Variants in PNPLA7 observed in about 807,000 individuals in gnomAD.
PNPLA7 encodes the protein patatin like domain 7, lysophospholipase.
A neutral mutation model predicts 161.7 loss-of-function variants in PNPLA7; 153 were observed. That is an observed-to-expected ratio of 0.95 (90% CI 0.83 to 1.08). The LOEUF is 1.08. Ranked by LOEUF, PNPLA7 falls within the 50% of genes least tolerant of loss-of-function variation. The pLI, the probability that PNPLA7 is intolerant of heterozygous loss-of-function variation, is 0.00. For synonymous variants in PNPLA7, 809 were observed against 782.1 expected, an observed-to-expected ratio of 1.03 and a Z score of -0.57; for missense variants, 1,739 against 1,856.6, an observed-to-expected ratio of 0.94 and a Z score of 1.16.
At chr9:137,493,136 G>A in intron 19 of PNPLA7, 54 bp from the exon 20 acceptor site, 1 of 1,570,022 alleles carries the variant, frequency 6.4e-7, no homozygotes, top group Non-Finnish European at 8.8e-7. Flanking sequence ...AGAAACACTG[G>A]GAACCAAAGA....
At chr9:137,478,223 G>C (rs1832033853) in intron 24 of PNPLA7, 71 bp from the exon 25 acceptor site, 5 of 1,142,830 alleles carry the variant, frequency 4.4e-6, no homozygotes, top group Non-Finnish European at 5.6e-6. Context: ...ATCCTGGCTT[G>C]ACTGGGGGGA....
intron 20 of PNPLA7, chr9:137,491,758 C>T: frequency 1.0e-6 from 1 of 985,460 alleles, no homozygotes; most frequent in Non-Finnish European, 1.2e-6. Flanking sequence ...CAATGCTGTG[C>T]ACACGTCACT....
At chr9:137,518,482 C>CTCA (rs1834771773) in intron 11 of PNPLA7, among the ~76,000 whole-genome samples, 1 of 60,884 alleles carries the variant, frequency 1.6e-5, no homozygotes, top group African/African-American at 6.2e-5. Flanking sequence ...TCACTCCATC[C>CTCA]CCCACTCACT....
In PNPLA7 at chr9:137,537,124, C is replaced by T. The variant is rs143376506; in HGVS notation, c.747+3518G>A. ...AAAAGCTGCTCAGAAGGAACCGAAGCGTTTTCAGTGTGAGGGGACAGACGG... is the reference window on the plus strand; with the variant it reads ...AAAAGCTGCTCAGAAGGAACCGAAGTGTTTTCAGTGTGAGGGGACAGACGG... On this transcript the variant is annotated intron_variant, in intron 8 of 34. Transcript: ENST00000406427. The surrounding 1 kb of genome is among the most constrained non-coding windows in gnomAD (Gnocchi z 4.5). Among the ~76,000 whole-genome samples, 29 of 152,254 alleles carry T rather than the reference C, an allele frequency of 1.9e-4. No homozygotes were observed. Among genetic ancestry groups the T allele is most frequent in the African/African-American group, 6.7e-4 (28 of 41,544 alleles).
chr9:137,464,603 C>T (rs1351361250), intron 26 of PNPLA7, 147 bp from the exon 27 acceptor site: 4 of 742,782 alleles, frequency 5.4e-6, no homozygotes, highest in Non-Finnish European at 9.1e-6. Flanking sequence ...GGCTTGGCGC[C>T]CTGGCTGGAG....
In PNPLA7 at chr9:137,497,329, C is replaced by T. The variant is rs200162686; in HGVS notation, c.1890-19G>A. ...CCCCTGCCTGCGGAAGACACAGAGG[C>T]CCTGCAGCCCTGGGCCCCCAGCCTC... On this transcript the variant is annotated intron_variant, in intron 17 of 34. Coordinates refer to ENST00000406427, the MANE Select transcript of PNPLA7 (RefSeq NM_001098537.3). 1.3e-4 allele frequency: 202 copies of T among 1,523,886 alleles called. 1 individual carries two copies. The East Asian group carries it at 4.2e-3, about 32-fold the overall frequency. The allele number at this position is 1,523,886 out of a possible 1,614,324, so 94.4% of individuals were successfully genotyped here.
intron 1 of PNPLA7, among the ~76,000 whole-genome samples, chr9:137,549,716 C>T (rs1040518257): frequency 5.3e-5 from 8 of 151,710 alleles, no homozygotes; most frequent in South Asian, 2.1e-4. Context: ...ACCCAGGAGG[C>T]GGAGGTTGCT....
At chr9:137,522,967 C>G (rs750394427) in intron 8 of PNPLA7, 110 bp from the exon 9 acceptor site, 7 of 1,441,530 alleles carry the variant, frequency 4.9e-6, no homozygotes, top group Admixed American at 2.1e-5. Flanking sequence ...CCCAGTCACA[C>G]GGCTCCATTC....
intron 21 of PNPLA7, among the ~76,000 whole-genome samples, chr9:137,481,944 C>A (rs17065424): frequency 0.069 from 10,546 of 152,114 alleles, 1,204 homozygotes; most frequent in African/African-American, 0.24. Context: ...TCAGAAAAAA[C>A]AACAACTAGA....
chr9:137,501,316 A>T (rs917525232), intron 15 of PNPLA7, among the ~76,000 whole-genome samples: 5 of 152,144 alleles, frequency 3.3e-5, no homozygotes, highest in Non-Finnish European at 5.9e-5. Context: ...TTGGTCCCAC[A>T]TCTGCAGATG....
chr9:137,461,461 T>TGGGGGGGGGGGGGCCAGGGGGGGG, intron 33 of PNPLA7, 75 bp downstream of exon 33: 1 of 1,189,098 alleles, frequency 8.4e-7, no homozygotes, highest in African/African-American at 2.2e-5. Flanking sequence ...GCCTCTGGGG[T>TGGGGGGGGGGGGGCCAGGGGGGGG]GGGGGGGTTC....
chr9:137,516,224 C>T (rs906249626), intron 11 of PNPLA7, among the ~76,000 whole-genome samples: 1 of 147,738 alleles, frequency 6.8e-6, no homozygotes, highest in Non-Finnish European at 1.5e-5. Context: ...CCAGCCAGGC[C>T]CTTTCTCAGG....
intron 12 of PNPLA7, 78 bp downstream of exon 12, chr9:137,515,301 T>G: frequency 6.6e-7 from 1 of 1,525,946 alleles, no homozygotes; most frequent in Non-Finnish European, 8.8e-7. Context: ...ATGCTGGGCA[T>G]CAGTGCAGCT....
intron 4 of PNPLA7, among the ~76,000 whole-genome samples, chr9:137,544,849 C>T (rs1037180520): frequency 2.0e-5 from 3 of 152,130 alleles, no homozygotes; most frequent in African/African-American, 7.2e-5. Context: ...AGGGTTTCGC[C>T]ATGTTGGCCA....
Position 137,545,527 on chromosome 9 carries a change from C to T in PNPLA7, c.273+1303G>A, listed in dbSNP as rs117583503. ...TGGGGGCCGACAGGGCCTTTGTGAG[C>T]GGCAAGCGACTGAGGGCATGAGCTG... On this transcript the variant is annotated intron_variant, in intron 4 of 34. Coordinates refer to ENST00000406427, the MANE Select transcript of PNPLA7 (RefSeq NM_001098537.3). 5.2e-4 allele frequency among the ~76,000 whole-genome samples: 79 copies of T among 152,232 alleles called. 2 individuals carry two copies. In the East Asian group the frequency reaches 0.013, roughly 24 times the overall value.
Position 137,515,509 on chromosome 9 carries a change from G to GC in PNPLA7, c.1094dup (p.Gly366ArgfsTer36). The GC allele has an allele frequency of 3.2e-6, 5 of 1,554,524 alleles. No homozygotes were observed. The highest frequency in any genetic ancestry group is 3.5e-6 in the Non-Finnish European group (4 of 1,153,100). On this transcript the variant is annotated frameshift_variant, in exon 12 of 35. Coordinates refer to ENST00000406427, the MANE Select transcript of PNPLA7 (RefSeq NM_001098537.3). LOFTEE classifies it high-confidence loss of function. ...GGGGCCCAGCAGCTGCCGGGCGGCC[G>GC]CCCCCGTGATCTGCTGGGGAGGCAG...
intron 26 of PNPLA7, chr9:137,464,959 G>A (rs1458777655): frequency 2.5e-5 from 4 of 161,880 alleles, no homozygotes; most frequent in Admixed American, 1.2e-4. Flanking sequence ...CGGGGAAGCC[G>A]GGCTCTCTTG....
At chr9:137,495,924 C>T (rs1299740051) in intron 18 of PNPLA7, among the ~76,000 whole-genome samples, 5 of 152,070 alleles carry the variant, frequency 3.3e-5, no homozygotes, top group African/African-American at 4.8e-5. Flanking sequence ...CATCGGAGCG[C>T]GGGACTCTGA....
At position 137,540,793 on chromosome 9, in the gene PNPLA7, C is replaced by T. The variant is rs1343940295; in HGVS notation, c.667-71G>A. ...ACCGCGGGGCCTGGCGGAGGCTCAG[C>T]CCAGCCCAGGGCAGTGGGGCCACGG... On this transcript the variant is annotated intron_variant, in intron 7 of 34. Transcript: ENST00000406427. The surrounding 1 kb of genome is among the most constrained non-coding windows in gnomAD (Gnocchi z 5.1). 5 of 1,439,416 alleles carry T rather than the reference C, an allele frequency of 3.5e-6. No homozygotes were observed. In the African/African-American group the frequency reaches 5.6e-5, roughly 16 times the overall value. The allele number at this position is 1,439,416 out of a possible 1,614,324, so 89.2% of individuals were successfully genotyped here. A position where few individuals can be genotyped will look rare whatever the true frequency, so the allele number is the denominator to read the frequency against.
Sources: allele counts gnomAD v4.1 joint callset (sites outside exome capture counted in the v4.1 genomes callset), GRCh38; gene constraint gnomAD v4.1.1; non-coding constraint Gnocchi (gnomAD v3.1); transcripts MANE v1.5; gene names NCBI Gene and HGNC (gene_info 2026-07-23, HGNC 2026-07-21).